The following SBF2 variants were observed in gnomAD, a reference collection of about 807,000 sequenced individuals.
The protein encoded by SBF2 is myotubularin-related protein 13.
A neutral mutation model predicts 225.2 loss-of-function variants in SBF2; 112 were observed. That is an observed-to-expected ratio of 0.50 (90% CI 0.43 to 0.58). SBF2 has a LOEUF of 0.58. SBF2 is among the 20% of genes least tolerant of loss of function. The probability of loss-of-function intolerance (pLI) is 0.00; values close to 1 mark genes in which losing one functional copy is unlikely to be tolerated. For synonymous variants in SBF2, 763 were observed against 773.3 expected, an observed-to-expected ratio of 0.99 and a Z score of 0.22; for missense variants, 1,996 against 2,206.2, an observed-to-expected ratio of 0.90 and a Z score of 1.91.
At chr11:10,239,019 G>T (rs1300588942) in intron 1 of SBF2, among the ~76,000 whole-genome samples, 1 of 150,520 alleles carries the variant, frequency 6.6e-6, no homozygotes, top group Non-Finnish European at 1.5e-5. Context: ...GAATACAGAA[G>T]TAACAAAACT....
At chr11:9,808,242 C>T (rs1699221757) in intron 31 of SBF2, 57 bp from the exon 32 acceptor site, 2 of 1,470,000 alleles carry the variant, frequency 1.4e-6, no homozygotes, top group African/African-American at 1.4e-5. Flanking sequence ...AGGCCTATTA[C>T]TAAGATAAAA....
intron 2 of SBF2, among the ~76,000 whole-genome samples, chr11:10,124,712 C>T (rs1476944059): frequency 6.6e-6 from 1 of 152,074 alleles, no homozygotes. Context: ...TTTAAAGCAC[C>T]TGGGCTTTCT....
Position 10,125,039 on chromosome 11 carries a change from C to T in SBF2, c.141+68863G>A, listed in dbSNP as rs902137561. Among the ~76,000 whole-genome samples the T allele has an allele frequency of 4.2e-5, 6 of 143,298 alleles. No homozygotes were observed. In the East Asian group the frequency reaches 6.3e-4, roughly 15 times the overall value. The allele number at this position is 143,298 out of a possible 152,430, so 94.0% of individuals were successfully genotyped here. On this transcript the variant is annotated intron_variant, in intron 2 of 39. Transcript: ENST00000256190. ...AGGAGAATTGCTTGAACCCGGGAGGCGGAGGTTGCAGTGAGCCGAGATCTC... is the reference window on the plus strand; with the variant it reads ...AGGAGAATTGCTTGAACCCGGGAGGTGGAGGTTGCAGTGAGCCGAGATCTC...
rs747546558 is a variant in SBF2 at position 9,789,243 on chromosome 11, T to A, written c.4798A>T (p.Thr1600Ser). ...TGPSYDWMML[T>S]PKHFPSEDSD... ...TCTTCGGAGGGGAAGTGCTTGGGGGTTAGCATCATCCAGTCATAGGAAGGG... is the reference window on the plus strand; with the variant it reads ...TCTTCGGAGGGGAAGTGCTTGGGGGATAGCATCATCCAGTCATAGGAAGGG... Residue 1600 changes from threonine to serine, a missense_variant, in exon 35 of 40, where the codon ACC becomes TCC. By Grantham distance (58) the Thr-to-Ser change is moderately conservative. Coordinates refer to ENST00000256190, the MANE Select transcript of SBF2 (RefSeq NM_030962.4). 1 of 1,614,108 alleles carries A rather than the reference T, an allele frequency of 6.2e-7. No homozygotes were observed. Among genetic ancestry groups the A allele is most frequent in the Non-Finnish European group, 8.5e-7 (1 of 1,179,994 alleles).
intron 11 of SBF2, 29 bp downstream of exon 11, chr11:9,992,961 G>T (rs775073004): frequency 2.1e-6 from 3 of 1,451,244 alleles, no homozygotes; most frequent in African/African-American, 1.4e-5. Context: ...ATATTTTTTG[G>T]ACAGATACAA....
In SBF2 at chr11:10,093,155, T is replaced by C. The variant is rs1490913002; in HGVS notation, c.142-50174A>G. On this transcript the variant is annotated intron_variant, in intron 2 of 39. Transcript: ENST00000256190. ...CCTTAGCCTCCCAAGCAGCTGAGACTGCAGGTGCATCCCACCATGCCTAGC... is the reference window on the plus strand; with the variant it reads ...CCTTAGCCTCCCAAGCAGCTGAGACCGCAGGTGCATCCCACCATGCCTAGC... 2.6e-5 allele frequency among the ~76,000 whole-genome samples: 4 copies of C among 152,082 alleles called. No homozygotes were observed. In the East Asian group the frequency reaches 5.8e-4, roughly 22 times the overall value.
At chr11:10,152,844 A>C (rs575972201) in intron 2 of SBF2, among the ~76,000 whole-genome samples, 1 of 152,328 alleles carries the variant, frequency 6.6e-6, no homozygotes, top group East Asian at 1.9e-4. Context: ...AAAAGCAAGA[A>C]GGTGAGAGAA....
At chr11:9,789,666 C>A (rs995972028) in intron 34 of SBF2, among the ~76,000 whole-genome samples, 1 of 152,156 alleles carries the variant, frequency 6.6e-6, no homozygotes, top group African/African-American at 2.4e-5. Context: ...TGTCCTTGGC[C>A]TCTCTTCTCC....
intron 16 of SBF2, among the ~76,000 whole-genome samples, chr11:9,937,219 C>T (rs995051289): frequency 5.3e-5 from 8 of 152,020 alleles, no homozygotes; most frequent in South Asian, 4.2e-4. Context: ...ATGACATCAG[C>T]GGACATCACT....
intron 2 of SBF2, among the ~76,000 whole-genome samples, chr11:10,139,726 T>C (rs1039257422): frequency 1.3e-5 from 2 of 152,264 alleles, no homozygotes; most frequent in African/African-American, 4.8e-5. Flanking sequence ...ATTGTCTTCC[T>C]GCCTTCATTC....
At chr11:10,286,425 T>C (rs2135573899) in intron 1 of SBF2, among the ~76,000 whole-genome samples, 1 of 40,254 alleles carries the variant, frequency 2.5e-5, no homozygotes, top group South Asian at 7.4e-4. Context: ...CTCACTGCGA[T>C]CTCGGCTCAC....
chr11:10,031,352 A>G (rs543971151), intron 3 of SBF2, among the ~76,000 whole-genome samples, 182 bp from the exon 4 acceptor site: 1 of 152,312 alleles, frequency 6.6e-6, no homozygotes, highest in Non-Finnish European at 1.5e-5. Flanking sequence ...AAAGTAGACA[A>G]ATTATGAAGC....
chr11:10,085,286 T>G (rs10840361), intron 2 of SBF2, among the ~76,000 whole-genome samples: 12,262 of 152,240 alleles, frequency 0.081, 766 homozygotes, highest in East Asian at 0.19. Context: ...AAACTCGTAT[T>G]ACATGAATAT....
chr11:9,817,762 AAAAAAC>A lies in SBF2; in HGVS notation c.3794-744_3794-739del, dbSNP rs1353784528. 3.8e-3 allele frequency among the ~76,000 whole-genome samples: 555 copies of A among 145,810 alleles called. 5 individuals carry two copies. The highest frequency in any genetic ancestry group is 0.014 in the African/African-American group (535 of 39,164). ...TCTACCAAAAAAAAAAAAAAAAAAA[AAAAAAC>A]TACAAAAAGACACCTGTATTGGGAG... is the stretch of plus-strand genomic sequence containing the variant. On this transcript the variant is annotated intron_variant, in intron 28 of 39. Transcript: ENST00000256190.
chr11:10,293,988 G>T, intron 1 of SBF2, 27 bp downstream of exon 1: 1 of 1,318,322 alleles, frequency 7.6e-7, no homozygotes. Flanking sequence ...GGGGAGGCCC[G>T]GGGGCGGTGC....
intron 6 of SBF2, among the ~76,000 whole-genome samples, chr11:10,019,147 C>A (rs578001022): frequency 6.6e-6 from 1 of 152,242 alleles, no homozygotes; most frequent in African/African-American, 2.4e-5. Context: ...CAGGAGCTGG[C>A]ACATAATAAT....
intron 6 of SBF2, among the ~76,000 whole-genome samples, chr11:10,010,596 T>C (rs1833493118): frequency 6.6e-6 from 1 of 152,318 alleles, no homozygotes; most frequent in Middle Eastern, 3.4e-3. Flanking sequence ...CATTGGTCTA[T>C]GTATCTGTTT....
At chr11:9,995,040 C>CAAA (rs5789626) in intron 9 of SBF2, among the ~76,000 whole-genome samples, 16 of 138,486 alleles carry the variant, frequency 1.2e-4, no homozygotes, top group African/African-American at 3.7e-4. Context: ...GACTCTGTCT[C>CAAA]AAAAAAAAAA....
chr11:9,897,342 A>G (rs965308920), intron 16 of SBF2, among the ~76,000 whole-genome samples: 1 of 151,954 alleles, frequency 6.6e-6, no homozygotes, highest in African/African-American at 2.4e-5. Flanking sequence ...GGTTAAAGCG[A>G]TTCTCATGCT....
Sources: allele counts gnomAD v4.1 joint callset (sites outside exome capture counted in the v4.1 genomes callset), GRCh38; gene constraint gnomAD v4.1.1; transcripts MANE v1.5; gene names NCBI Gene and HGNC (gene_info 2026-07-23, HGNC 2026-07-21).